Variants in SSH2 observed in about 807,000 individuals in gnomAD.
SSH2 encodes the protein protein phosphatase Slingshot homolog 2.
SSH2 carries 37 observed loss-of-function variants against 135.2 expected under a neutral mutation model. The observed-to-expected ratio is 0.27, with a 90% confidence interval of 0.21 to 0.36. The LOEUF (loss-of-function observed/expected upper bound fraction) is 0.36, where lower values mean the gene tolerates loss of function less well. Ranked by LOEUF, SSH2 falls within the 10% of genes least tolerant of loss-of-function variation. The pLI is 1.00. For missense variants in SSH2, 1,408 were observed against 1,765.3 expected (o/e 0.80, Z 3.63); for synonymous variants, 628 against 646.2 (o/e 0.97, Z 0.43).
chr17:29,693,147 C>T (rs1567885303), intron 5 of SSH2, among the ~76,000 whole-genome samples: 1 of 151,928 alleles, frequency 6.6e-6, no homozygotes, highest in Non-Finnish European at 1.5e-5. Context: ...AGGGTTTTGC[C>T]ATGTTGCCTA....
At chr17:29,632,970 T>A in intron 15 of SSH2, 39 bp from the exon 16 acceptor site, 1 of 1,530,014 alleles carries the variant, frequency 6.5e-7, no homozygotes. Context: ...TGGCAAACTG[T>A]AGTCTAATTG....
At chr17:29,732,726 T>C (rs1277619306) in intron 3 of SSH2, among the ~76,000 whole-genome samples, 4 of 152,160 alleles carry the variant, frequency 2.6e-5, no homozygotes, top group Admixed American at 1.3e-4. Flanking sequence ...AGTGAGGTCA[T>C]TACCTCAGCT....
intron 1 of SSH2, among the ~76,000 whole-genome samples, chr17:29,865,459 A>G (rs1454052416): frequency 6.6e-5 from 10 of 152,236 alleles, no homozygotes; most frequent in African/African-American, 2.4e-4. Context: ...TTCCTGGCAG[A>G]TAATTTGCTG....
At chr17:29,761,159 A>T in intron 3 of SSH2, 1 of 1,289,416 alleles carries the variant, frequency 7.8e-7, no homozygotes, top group Non-Finnish European at 1.0e-6. Flanking sequence ...CAGCTGGTTG[A>T]TGGCGTTCTG....
chr17:29,667,721 A>G (rs1445771595), intron 9 of SSH2, among the ~76,000 whole-genome samples: 2 of 152,156 alleles, frequency 1.3e-5, no homozygotes, highest in African/African-American at 4.8e-5. Context: ...TTTTAATGAC[A>G]ACTCTCACAA....
chr17:29,838,661 A>G (rs978509729), intron 2 of SSH2, among the ~76,000 whole-genome samples: 5 of 151,864 alleles, frequency 3.3e-5, no homozygotes, highest in Non-Finnish European at 7.4e-5. Context: ...GGAGCTGAAC[A>G]CTCATCGGGA....
chr17:29,840,325 C>T (rs1429619583), intron 2 of SSH2, among the ~76,000 whole-genome samples: 1 of 152,168 alleles, frequency 6.6e-6, no homozygotes, highest in Non-Finnish European at 1.5e-5. Flanking sequence ...AAAAATACAA[C>T]TCTGGTAAAA....
chr17:29,633,623 A>G (rs1195665994), intron 15 of SSH2, among the ~76,000 whole-genome samples: 1 of 152,248 alleles, frequency 6.6e-6, no homozygotes. Context: ...CTTGGCTTAC[A>G]CAGCCACATG....
intron 2 of SSH2, among the ~76,000 whole-genome samples, chr17:29,840,766 T>C (rs1319110728): frequency 6.6e-6 from 1 of 152,230 alleles, no homozygotes; most frequent in African/African-American, 2.4e-5. Flanking sequence ...GCACAGATAA[T>C]GCGCCAGGCC....
At chr17:29,856,153 ATTAAG>A (rs2065659293) in intron 1 of SSH2, 2 of 301,536 alleles carry the variant, frequency 6.6e-6, no homozygotes, top group South Asian at 5.9e-5. Flanking sequence ...GGTGTTGCTT[ATTAAG>A]TTATCTTAAG....
At chr17:29,668,497 G>A (rs902310568) in intron 9 of SSH2, among the ~76,000 whole-genome samples, 9 of 152,168 alleles carry the variant, frequency 5.9e-5, no homozygotes, top group African/African-American at 1.9e-4. Flanking sequence ...TTGGGAGGCC[G>A]AGGTGGGTGG....
At chr17:29,762,344 G>C (rs1474772946) in intron 3 of SSH2, among the ~76,000 whole-genome samples, 2 of 152,206 alleles carry the variant, frequency 1.3e-5, no homozygotes, top group Non-Finnish European at 2.9e-5. Context: ...GGAATTACTT[G>C]TGGTGGGTTT....
At chr17:29,784,006 C>T (rs1184975563) in intron 3 of SSH2, among the ~76,000 whole-genome samples, 1 of 119,344 alleles carries the variant, frequency 8.4e-6, no homozygotes, top group Non-Finnish European at 1.6e-5. Flanking sequence ...GCGGAGCTTG[C>T]AGTGAGCCGA....
intron 3 of SSH2, among the ~76,000 whole-genome samples, chr17:29,746,212 T>C (rs964891012): frequency 3.3e-5 from 5 of 152,048 alleles, no homozygotes. Flanking sequence ...ATTCACATCC[T>C]GCCACAGAAA....
intron 3 of SSH2, chr17:29,761,159 A>AGTTG: frequency 7.8e-7 from 1 of 1,289,416 alleles, no homozygotes; most frequent in Non-Finnish European, 1.0e-6. Context: ...CAGCTGGTTG[A>AGTTG]TGGCGTTCTG....
chr17:29,674,759 G>A (rs2037635580), intron 8 of SSH2, among the ~76,000 whole-genome samples: 1 of 151,994 alleles, frequency 6.6e-6, no homozygotes. Context: ...ACAAAATACC[G>A]TAATGATAGC....
chr17:29,833,010 A>G (rs937631952), intron 2 of SSH2, among the ~76,000 whole-genome samples: 1 of 152,222 alleles, frequency 6.6e-6, no homozygotes, highest in African/African-American at 2.4e-5. Flanking sequence ...GTGGTCTAAC[A>G]TATGGTCTGT....
At chr17:29,901,149 G>C (rs2151459560) in intron 1 of SSH2, among the ~76,000 whole-genome samples, 1 of 152,160 alleles carries the variant, frequency 6.6e-6, no homozygotes, top group African/African-American at 2.4e-5. Context: ...GGAGGGGAGA[G>C]GGATAGCATT....
intron 1 of SSH2, chr17:29,855,902 G>A (rs2065654037): frequency 4.2e-6 from 1 of 240,160 alleles, no homozygotes; most frequent in South Asian, 5.2e-5. Context: ...CATTCTCCTT[G>A]GAAAAGAAGA....
Sources: gnomAD v4.1 joint callset for allele counts (sites outside exome capture counted in the v4.1 genomes callset) on GRCh38, gnomAD v4.1.1 for gene constraint, MANE v1.5 for transcripts, NCBI Gene and HGNC (gene_info 2026-07-23, HGNC 2026-07-21) for gene names.